The following AHNAK variants were observed in gnomAD, a reference collection of about 807,000 sequenced individuals.
AHNAK encodes neuroblast differentiation-associated protein AHNAK.
In AHNAK, 23 loss-of-function variants were observed where a neutral mutation model predicts 37.8. The ratio of observed to expected loss-of-function variants is 0.61; its 90% CI spans 0.44 to 0.86. The LOEUF (loss-of-function observed/expected upper bound fraction) is 0.86. AHNAK is among the 40% of genes least tolerant of loss of function. The probability of loss-of-function intolerance (pLI) is 0.00; values close to 1 mark genes in which losing one functional copy is unlikely to be tolerated. For missense variants in AHNAK, 7,411 were observed against 7,319.4 expected, an observed-to-expected ratio of 1.01 and a Z score of -0.46; for synonymous variants, 2,481 against 2,636.3, an observed-to-expected ratio of 0.94 and a Z score of 1.80.
rs115982903 is a variant in AHNAK at position 62,526,128 on chromosome 11, G to A, written c.8289C>T (p.His2763=). ...GCATTTTTATCTTGGGCATCTTTAG[G>A]TGCCAGTCTGGGCCATGAACATCAA... ...PDVDVHGPDW[H]LKMPKIKMPK... Residue 2763 remains histidine, a synonymous_variant, in exon 5 of 5, where the codon CAC becomes CAT. Coordinates refer to ENST00000378024, the MANE Select transcript of AHNAK (RefSeq NM_001620.3). 5.2e-4 allele frequency: 844 copies of A among 1,613,424 alleles called. 7 individuals carry two copies. In the African/African-American group the frequency reaches 9.5e-3, roughly 18 times the overall value.
At position 62,528,194 on chromosome 11, in the gene AHNAK, C is replaced by A. The variant is rs1338831807; in HGVS notation, c.6223G>T (p.Ala2075Ser). The change falls in exon 5 of 5, where the codon GCT becomes TCT. Residue 2075 changes from alanine (A) to serine (S), a missense_variant. Physicochemically the swap from Ala to Ser is moderately conservative, Grantham distance 99 (BLOSUM62 1). Transcript: ENST00000378024. Reference protein sequence around the residue: ...GPEVDVNLPKADVVVSGPKVD... With the variant: ...GPEVDVNLPKSDVVVSGPKVD... ...TTGGGTCCTGAGACAACAACATCAGCCTTGGGCAAGTTCACATCCACTTCT... is the reference window on the plus strand; with the variant it reads ...TTGGGTCCTGAGACAACAACATCAGACTTGGGCAAGTTCACATCCACTTCT... 6.2e-7 allele frequency: 1 copy of A among 1,614,020 alleles called. No homozygotes were observed. Among genetic ancestry groups the A allele is most frequent in the East Asian group, 2.2e-5 (1 of 44,836 alleles).
At chr11:62,486,925 G>A (rs1201155747) in intron 5 of AHNAK, among the ~76,000 whole-genome samples, 1 of 152,028 alleles carries the variant, frequency 6.6e-6, no homozygotes, top group Non-Finnish European at 1.5e-5. Context: ...CCACCAAGAG[G>A]GCTTCAGAAT....
intron 4 of AHNAK, among the ~76,000 whole-genome samples, chr11:62,502,196 T>G (rs1438900388): frequency 1.3e-5 from 2 of 152,118 alleles, no homozygotes; most frequent in East Asian, 3.9e-4. Flanking sequence ...TCTGCCTCCT[T>G]TCCCACCCCA....
intron 4 of AHNAK, among the ~76,000 whole-genome samples, chr11:62,502,097 C>A (rs1341760769): frequency 6.6e-6 from 1 of 152,166 alleles, no homozygotes; most frequent in African/African-American, 2.4e-5. Flanking sequence ...CCTCAACTTC[C>A]TGCCCCAAGC....
Position 62,523,262 on chromosome 11 carries a change from T to C in AHNAK, c.11155A>G (p.Ile3719Val), listed in dbSNP as rs755240794. 1.2e-6 allele frequency: 2 copies of C among 1,613,086 alleles called. No homozygotes were observed. Among genetic ancestry groups the C allele is most frequent in the East Asian group, 2.2e-5 (1 of 44,828 alleles). ...TTACCCTCTGAGCCTTCGATGTTAA[T>C]GTCAGGAGTGTCAATGTCCACTTTG... ...GPKVDIDTPD[I>V]NIEGSEGKFK... is the part of the protein sequence containing the mutation. The change falls in exon 5 of 5, where the codon ATT becomes GTT. Residue 3719 changes from isoleucine to valine, a missense_variant. Physicochemically the swap from Ile to Val is conservative, Grantham distance 29 (BLOSUM62 3). Transcript: ENST00000378024.
exon 6 of AHNAK, chr11:62,433,796 A>T: frequency 6.4e-7 from 1 of 1,573,388 alleles, no homozygotes; most frequent in Non-Finnish European, 8.7e-7. Flanking sequence ...TGGCACAGCA[A>T]TATGTAATTT....
intron 1 of AHNAK, 109 bp downstream of exon 1, chr11:62,546,551 G>A (rs1305565199): frequency 5.3e-5 from 8 of 152,232 alleles, no homozygotes; most frequent in Non-Finnish European, 1.0e-4. Flanking sequence ...AATCCTCACA[G>A]TGACACCCCC....
chr11:62,452,769 A>C (rs1938568714), intron 5 of AHNAK, among the ~76,000 whole-genome samples: 2 of 152,090 alleles, frequency 1.3e-5, no homozygotes, highest in South Asian at 4.1e-4. Context: ...CCGCACCTGT[A>C]ATCCCAACAC....
chr11:62,479,546 A>G (rs575881138), intron 5 of AHNAK, among the ~76,000 whole-genome samples: 1 of 152,094 alleles, frequency 6.6e-6, no homozygotes, highest in African/African-American at 2.4e-5. Context: ...AATTACCTGA[A>G]TATTTTTGTC....
intron 4 of AHNAK, among the ~76,000 whole-genome samples, chr11:62,505,392 G>T (rs1043279959): frequency 3.3e-5 from 5 of 152,136 alleles, no homozygotes; most frequent in East Asian, 1.9e-4. Context: ...TAGAGACCAG[G>T]GTCTCATGCC....
intron 1 of AHNAK, among the ~76,000 whole-genome samples, chr11:62,544,133 G>A (rs1233633471): frequency 1.3e-5 from 2 of 152,042 alleles, no homozygotes; most frequent in Non-Finnish European, 2.9e-5. Context: ...CCAATTCCAA[G>A]TCGAGCAAAA....
Position 62,518,069 on chromosome 11 carries a change from G to A in AHNAK, c.16348C>T (p.Pro5450Ser), listed in dbSNP as rs139375615. Residue 5450 changes from proline to serine, a missense_variant, in exon 5 of 5, where the codon CCG becomes TCG. Physicochemically the swap from Pro to Ser is moderately conservative, Grantham distance 74. Transcript: ENST00000378024. ...VNLKGPRISA[P>S]NVDFNLEGPK... ...CCTTCCAAGTTAAAGTCCACATTCG[G>A]TGCTGAAATCCGAGGCCCTTTCAGG... The A allele has an allele frequency of 1.5e-3, 2,473 of 1,614,148 alleles. 2 individuals carry two copies. Among genetic ancestry groups the A allele is most frequent in the Non-Finnish European group, 1.9e-3 (2,298 of 1,180,026 alleles).
At chr11:62,487,084 C>T (rs1285664730) in intron 5 of AHNAK, among the ~76,000 whole-genome samples, 1 of 152,186 alleles carries the variant, frequency 6.6e-6, no homozygotes, top group African/African-American at 2.4e-5. Flanking sequence ...AGAACAGAAA[C>T]ATTGTGGACC....
At position 62,528,377 on chromosome 11, in the gene AHNAK, C is replaced by T; in HGVS notation, c.6040G>A (p.Val2014Ile). Residue 2014 changes from valine (V) to isoleucine (I), a missense_variant, in exon 5 of 5, where the codon GTA (valine) becomes ATA (isoleucine). By Grantham distance (29) the Val-to-Ile change is conservative. Transcript: ENST00000378024. ...KGDMDVSVPK[V>I]EGEMKVPDVD... is the part of the protein sequence containing the mutation. ...TCTGGCACTTTCATTTCACCTTCTA[C>T]CTTGGGCACAGACACATCCATATCC... The T allele has an allele frequency of 6.2e-7, 1 of 1,612,930 alleles. No homozygotes were observed. Among genetic ancestry groups the T allele is most frequent in the South Asian group, 1.1e-5 (1 of 91,000 alleles).
At chr11:62,490,147 CA>C (rs1939477050) in intron 5 of AHNAK, among the ~76,000 whole-genome samples, 1 of 151,584 alleles carries the variant, frequency 6.6e-6, no homozygotes, top group African/African-American at 2.4e-5. Flanking sequence ...AGAATAGCAC[CA>C]CAGCAAGAGG....
intron 5 of AHNAK, among the ~76,000 whole-genome samples, chr11:62,448,752 T>C (rs767075262): frequency 6.6e-6 from 1 of 152,110 alleles, no homozygotes; most frequent in Non-Finnish European, 1.5e-5. Context: ...GAGTTGGGAA[T>C]TGTCAACCTA....
rs374425138 is a variant in AHNAK, at chr11:62,518,750, C to T, written c.15667G>A (p.Asp5223Asn). 1 of 1,614,114 alleles carries T rather than the reference C, an allele frequency of 6.2e-7. No individual in the cohort carries two copies. The highest frequency in any genetic ancestry group is 8.5e-7 in the Non-Finnish European group (1 of 1,180,056). ...PSVGLEGPDV[D>N]LQGPEAKIKF... Reference sequence around the variant, plus strand: ...ATTTTTGCTTCTGGACCTTGCAGATCTACATCTGGTCCTTCCAGTCCCACG... The same window carrying T: ...ATTTTTGCTTCTGGACCTTGCAGATTTACATCTGGTCCTTCCAGTCCCACG... The change falls in exon 5 of 5, where the codon GAT (aspartate) becomes AAT (asparagine). Residue 5223 changes from aspartate (D) to asparagine (N), a missense_variant. Asp to Asn is a conservative substitution (Grantham distance 23). Coordinates refer to ENST00000378024, the MANE Select transcript of AHNAK (RefSeq NM_001620.3).
intron 5 of AHNAK, among the ~76,000 whole-genome samples, chr11:62,478,137 C>A (rs572581852): frequency 2.8e-4 from 43 of 152,316 alleles, no homozygotes; most frequent in African/African-American, 9.6e-4. Context: ...CCCCACTATT[C>A]CAGGTGGTTT....
Position 62,527,755 on chromosome 11 carries a change from C to A in AHNAK, c.6662G>T (p.Arg2221Ile). Reference protein sequence around the residue: ...GEMKVPDVDIRGPKVDIDAPD... With the variant: ...GEMKVPDVDIIGPKVDIDAPD... ...GGCATCAATGTCCACTTTGGGCCCT[C>A]TGATGTCAACATCTGGCACTTTCAT... The change falls in exon 5 of 5, where the codon AGA (arginine) becomes ATA (isoleucine). Residue 2221 changes from arginine (R) to isoleucine (I), a missense_variant. Coordinates refer to ENST00000378024, the MANE Select transcript of AHNAK (RefSeq NM_001620.3). 1 of 1,613,798 alleles carries A rather than the reference C, an allele frequency of 6.2e-7. No homozygotes were observed. The highest frequency in any genetic ancestry group is 8.5e-7 in the Non-Finnish European group (1 of 1,179,942).
Sources: gnomAD v4.1 joint callset for allele counts (sites outside exome capture counted in the v4.1 genomes callset) on GRCh38, gnomAD v4.1.1 for gene constraint, MANE v1.5 for transcripts, NCBI Gene and HGNC (gene_info 2026-07-23, HGNC 2026-07-21) for gene names.